NPFFR2: variants seen among roughly 807,000 people sequenced by gnomAD.
NPFFR2 encodes the protein G-protein coupled receptor 74.
NPFFR2 carries 15 observed loss-of-function variants against 13.1 expected under a neutral mutation model. The ratio of observed to expected loss-of-function variants is 1.15; its 90% CI spans 0.77 to 1.76. The LOEUF (loss-of-function observed/expected upper bound fraction) is 1.76, where lower values mean the gene tolerates loss of function less well. Among genes scored for constraint, NPFFR2 ranks in the 40% most tolerant of loss-of-function variants. NPFFR2 has a pLI of 0.00. For missense variants in NPFFR2, 572 were observed against 503.5 expected (o/e 1.14, Z -1.30); for synonymous variants, 190 against 175.7 (o/e 1.08, Z -0.65).
At chr4:72,109,031 TAGAG>T (rs1169198265) in intron 1 of NPFFR2, among the ~76,000 whole-genome samples, 17 of 151,938 alleles carry the variant, frequency 1.1e-4, no homozygotes, top group African/African-American at 4.1e-4. Flanking sequence ...GTAGCTATGA[TAGAG>T]AGATTGATGT....
chr4:72,128,011 C>G lies in NPFFR2; in HGVS notation c.-7-574C>G, dbSNP rs555634889. 2.6e-5 allele frequency among the ~76,000 whole-genome samples: 4 copies of G among 152,010 alleles called. No individual in the cohort carries two copies. The South Asian group carries it at 8.3e-4, about 32-fold the overall frequency. On this transcript the variant is annotated intron_variant, in intron 1 of 3. Transcript: ENST00000308744. ...GGAGGATCACTTGAACCTGAGAGAT[C>G]AAGGCTATAGTGAGCTGAGATGGTG...
chr4:72,071,987 A>G (rs1185360651), intron 1 of NPFFR2, among the ~76,000 whole-genome samples: 1 of 152,176 alleles, frequency 6.6e-6, no homozygotes, highest in Admixed American at 6.6e-5. Context: ...GCACTGGCTC[A>G]GAAAAGGCCA....
At chr4:72,071,692 G>T (rs1251017302) in intron 1 of NPFFR2, among the ~76,000 whole-genome samples, 3 of 151,936 alleles carry the variant, frequency 2.0e-5, no homozygotes, top group Admixed American at 6.6e-5. Context: ...AAGAAGCCTG[G>T]GTGCACAAAA....
At chr4:72,142,888 G>T (rs912328622) in intron 3 of NPFFR2, among the ~76,000 whole-genome samples, 1 of 152,182 alleles carries the variant, frequency 6.6e-6, no homozygotes, top group African/African-American at 2.4e-5. Context: ...CCTCAGGAAG[G>T]CTACAATCTG....
chr4:72,105,465 G>A (rs1166885056), intron 1 of NPFFR2, among the ~76,000 whole-genome samples: 3 of 152,030 alleles, frequency 2.0e-5, no homozygotes, highest in African/African-American at 7.2e-5. Context: ...TATTTGTTAA[G>A]AGCAGAAAAA....
chr4:72,098,561 G>GT (rs1255975404), intron 1 of NPFFR2, among the ~76,000 whole-genome samples: 3 of 152,114 alleles, frequency 2.0e-5, no homozygotes, highest in Non-Finnish European at 4.4e-5. Context: ...TTCCAGTGTG[G>GT]TCTAGGGAAG....
chr4:72,084,418 A>G (rs1720711587), intron 1 of NPFFR2, among the ~76,000 whole-genome samples: 2 of 152,192 alleles, frequency 1.3e-5, no homozygotes, highest in African/African-American at 4.8e-5. Context: ...AAAGGATGAA[A>G]TTGAAAAAGA....
intron 1 of NPFFR2, among the ~76,000 whole-genome samples, chr4:72,101,670 G>A (rs1475888227): frequency 2.0e-5 from 3 of 151,904 alleles, no homozygotes; most frequent in Non-Finnish European, 2.9e-5. Context: ...AAGAGAAGGG[G>A]AGTTTTCCTG....
rs559663543 is a variant in NPFFR2 at position 72,101,886 on chromosome 4, C to G, written c.-7-26699C>G. ...CCTAAGCCCATCCAATCTAAGAATC[C>G]AAAGAAAAATCAAAATAAACATACA... On this transcript the variant is annotated intron_variant, in intron 1 of 3. Coordinates refer to ENST00000308744, the MANE Select transcript of NPFFR2 (RefSeq NM_004885.3). 6.6e-5 allele frequency among the ~76,000 whole-genome samples: 10 copies of G among 151,910 alleles called. No individual in the cohort carries two copies. The East Asian group carries it at 1.9e-3, about 29-fold the overall frequency.
At chr4:72,077,338 A>G (rs749376529) in intron 1 of NPFFR2, among the ~76,000 whole-genome samples, 6 of 152,118 alleles carry the variant, frequency 3.9e-5, no homozygotes, top group South Asian at 2.1e-4. Context: ...TACCACTATC[A>G]TCTCTTCTAG....
At chr4:72,134,666 G>T (rs1305320119) in intron 2 of NPFFR2, among the ~76,000 whole-genome samples, 3 of 152,046 alleles carry the variant, frequency 2.0e-5, no homozygotes, top group Admixed American at 1.3e-4. Context: ...CTTAGTTTGG[G>T]TGTGTACTCA....
chr4:72,070,560 TGGGGGGGGGGGGTGG>T (rs201380700), intron 1 of NPFFR2, among the ~76,000 whole-genome samples: 1 of 10,380 alleles, frequency 9.6e-5, no homozygotes, highest in Non-Finnish European at 3.9e-4. Context: ...TGTGTGTGTG[TGGGGGGGGGGGGTGG>T]GGCTCTGGTG....
intron 1 of NPFFR2, among the ~76,000 whole-genome samples, chr4:72,099,803 A>G (rs1199893084): frequency 5.9e-5 from 9 of 152,224 alleles, no homozygotes; most frequent in South Asian, 2.1e-4. Context: ...TTACTTTACT[A>G]TGGTTTAGTG....
intron 2 of NPFFR2, among the ~76,000 whole-genome samples, chr4:72,131,363 G>A (rs550411645): frequency 1.2e-4 from 18 of 146,472 alleles, no homozygotes; most frequent in African/African-American, 4.3e-4. Context: ...GGTGTACACC[G>A]CATATTCTCA....
intron 1 of NPFFR2, among the ~76,000 whole-genome samples, chr4:72,094,411 G>A (rs1221814979): frequency 6.6e-6 from 1 of 152,180 alleles, no homozygotes; most frequent in African/African-American, 2.4e-5. Flanking sequence ...GGGCCATGGA[G>A]CTCCCAGGAG....
At chr4:72,111,503 C>T (rs1410746667) in intron 1 of NPFFR2, among the ~76,000 whole-genome samples, 3 of 151,910 alleles carry the variant, frequency 2.0e-5, no homozygotes, top group African/African-American at 7.2e-5. Context: ...CTACAGTTAA[C>T]CTTCAGGGAC....
intron 3 of NPFFR2, among the ~76,000 whole-genome samples, chr4:72,146,257 T>G (rs1722780103): frequency 6.6e-6 from 1 of 152,170 alleles, no homozygotes; most frequent in Non-Finnish European, 1.5e-5. Context: ...GGCTGGAACA[T>G]CCAAAATGGC....
In NPFFR2 at chr4:72,138,766, G is replaced by A. The variant is rs190798619; in HGVS notation, c.428+627G>A. Among the ~76,000 whole-genome samples, 17 of 152,046 alleles carry A rather than the reference G, an allele frequency of 1.1e-4. No individual in the cohort carries two copies. The East Asian group carries it at 3.3e-3, about 29-fold the overall frequency. ...TAGTAGCATGCTTTATAATCCTTTGGGTATATACCTAGTAATGGGATTGCT... is the reference window on the plus strand; with the variant it reads ...TAGTAGCATGCTTTATAATCCTTTGAGTATATACCTAGTAATGGGATTGCT... On this transcript the variant is annotated intron_variant, in intron 3 of 3. Coordinates refer to ENST00000308744, the MANE Select transcript of NPFFR2 (RefSeq NM_004885.3).
intron 1 of NPFFR2, among the ~76,000 whole-genome samples, chr4:72,081,983 G>C (rs1720637593): frequency 6.6e-6 from 1 of 152,116 alleles, no homozygotes; most frequent in Non-Finnish European, 1.5e-5. Context: ...CAAGACACAG[G>C]GATATTCTAA....
Sources: allele counts gnomAD v4.1 joint callset (sites outside exome capture counted in the v4.1 genomes callset), GRCh38; gene constraint gnomAD v4.1.1; transcripts MANE v1.5; gene names NCBI Gene and HGNC (gene_info 2026-07-23, HGNC 2026-07-21).